The following NSD2 variants were observed in gnomAD, a reference collection of about 807,000 sequenced individuals.
The protein encoded by NSD2 is nuclear receptor binding SET domain protein 2.
In NSD2, 12 loss-of-function variants were observed where a neutral mutation model predicts 139.0. The ratio of observed to expected loss-of-function variants is 0.09; its 90% CI spans 0.06 to 0.14. NSD2 has a LOEUF of 0.14. Among genes scored for constraint, NSD2 ranks in the 10% least tolerant of loss-of-function variants. The pLI is 1.00. For missense variants in NSD2, 1,155 were observed against 1,745.0 expected (o/e 0.66, Z 6.02); for synonymous variants, 669 against 648.7 (o/e 1.03, Z -0.48).
chr4:1,943,091 T>C, intron 9 of NSD2: 3 of 1,048,754 alleles, frequency 2.9e-6, no homozygotes, highest in Non-Finnish European at 3.5e-6. Context: ...ATCAGTTGCT[T>C]CTATAGAGCA....
chr4:1,959,765 G>T, intron 17 of NSD2, 25 bp downstream of exon 17: 1 of 1,601,976 alleles, frequency 6.2e-7, no homozygotes, highest in Non-Finnish European at 8.5e-7. Flanking sequence ...CCCCTCCCCT[G>T]CTTTTGAGAA....
chr4:1,916,447 G>A (rs928428161), intron 3 of NSD2, among the ~76,000 whole-genome samples: 2 of 152,116 alleles, frequency 1.3e-5, no homozygotes, highest in African/African-American at 2.4e-5. Context: ...CCAGGCTCAC[G>A]CCATCCTCTC....
Position 1,918,297 on chromosome 4 carries a change from G to A in NSD2, c.1084G>A (p.Glu362Lys). Residue 362 changes from glutamate to lysine, a missense_variant, in exon 5 of 22, where the codon GAG becomes AAG. This residue lies in a region of NSD2 where 420 missense variants were observed against 469.0 expected (regional missense o/e 0.90). Coordinates refer to ENST00000508803, the MANE Select transcript of NSD2 (RefSeq NM_001042424.3). Reference sequence around the variant, plus strand: ...TCATCTCAACCCTCAAGTAGCCAAGGAGGCTGGCATTGCTGCAGAGTCTTT... The same window carrying A: ...TCATCTCAACCCTCAAGTAGCCAAGAAGGCTGGCATTGCTGCAGAGTCTTT... Reference protein sequence around the residue: ...QLHLNPQVAKEAGIAAESLGE... With the variant: ...QLHLNPQVAKKAGIAAESLGE... 2 of 1,614,004 alleles carry A rather than the reference G, an allele frequency of 1.2e-6. No individual in the cohort carries two copies. Among genetic ancestry groups the A allele is most frequent in the Non-Finnish European group, 1.7e-6 (2 of 1,180,020 alleles).
chr4:1,885,443 C>A (rs1715014490), intron 1 of NSD2, among the ~76,000 whole-genome samples: 1 of 151,932 alleles, frequency 6.6e-6, no homozygotes, highest in Non-Finnish European at 1.5e-5. Flanking sequence ...GAGAGGGGGC[C>A]CTGGTCATTC....
rs147843030 is a variant in NSD2 at position 1,947,119 on chromosome 4, G to A, written c.1882-3953G>A. On this transcript the variant is annotated intron_variant, in intron 9 of 21. Coordinates refer to ENST00000508803, the MANE Select transcript of NSD2 (RefSeq NM_001042424.3). ...TTTTGTCATTGTCCTCAAGTCCTTC[G>A]CAGACAGTGCACAGCCTGCTGTCTG... The A allele has an allele frequency of 2.1e-4, 221 of 1,064,760 alleles. No homozygotes were observed. In the East Asian group the frequency reaches 0.01, roughly 50 times the overall value. 66.0% of individuals were successfully genotyped at this position (1,064,760 alleles called of 1,614,324 possible). A position where few individuals can be genotyped will look rare whatever the true frequency, so the allele number is the denominator to read the frequency against.
rs1478316988 is a variant in NSD2, at chr4:1,979,203, C to G, written c.*294C>G. On this transcript the variant is annotated 3_prime_UTR_variant, in exon 22 of 22. Coordinates refer to ENST00000508803, the MANE Select transcript of NSD2 (RefSeq NM_001042424.3). ...CCGAATGTCAAGGTTCCCTCCCACT[C>G]TATTTTTTTAGGTTAAAGTTAATTG... The G allele has an allele frequency of 2.8e-6, 1 of 354,190 alleles. No homozygotes were observed. The highest frequency in any genetic ancestry group is 4.2e-5 in the East Asian group (1 of 23,668). 21.9% of individuals were successfully genotyped at this position (354,190 alleles called of 1,614,324 possible). A position where few individuals can be genotyped will look rare whatever the true frequency, so the allele number is the denominator to read the frequency against.
intron 5 of NSD2, 48 bp downstream of exon 5, chr4:1,918,671 A>G: frequency 1.2e-6 from 2 of 1,601,762 alleles, no homozygotes; most frequent in South Asian, 2.2e-5. Context: ...GAATTTGAGG[A>G]ACATCCCTTC....
intron 1 of NSD2, among the ~76,000 whole-genome samples, chr4:1,871,781 G>C (rs1301842682): frequency 6.7e-6 from 1 of 149,128 alleles, no homozygotes; most frequent in Non-Finnish European, 1.5e-5. Context: ...GGAGGCCTGA[G>C]GGCCGGCGGG....
intron 11 of NSD2, chr4:1,952,972 C>T (rs1323536410): frequency 6.3e-6 from 9 of 1,433,164 alleles, no homozygotes; most frequent in Middle Eastern, 2.6e-4. Context: ...TGATAAGTGA[C>T]TGCTCCACCA....
intron 7 of NSD2, among the ~76,000 whole-genome samples, chr4:1,936,518 A>G (rs981869914): frequency 2.6e-5 from 4 of 151,972 alleles, no homozygotes; most frequent in African/African-American, 9.7e-5. Flanking sequence ...TAATAATACA[A>G]AAATTAGTCG....
chr4:1,947,188 A>G, intron 9 of NSD2: 1 of 1,064,476 alleles, frequency 9.4e-7, no homozygotes, highest in Non-Finnish European at 1.1e-6. Context: ...TCCCTGTGGG[A>G]TGGCCGCTGC....
At chr4:1,947,050 T>G (rs1723710568) in intron 9 of NSD2, 1 of 1,063,658 alleles carries the variant, frequency 9.4e-7, no homozygotes. Context: ...CTGATGGGGG[T>G]TTGCTCAGCA....
In NSD2 at chr4:1,939,015, A is replaced by T. The variant is rs1056605423; in HGVS notation, c.1756+483A>T. ...TCAAAAAAATAAGAGGGGAAATTAC[A>T]CTTCCTTTTACCTTTTAGTTATCTT... is the stretch of plus-strand genomic sequence containing the variant. On this transcript the variant is annotated intron_variant, in intron 8 of 21. Coordinates refer to ENST00000508803, the MANE Select transcript of NSD2 (RefSeq NM_001042424.3). 1.1e-4 allele frequency among the ~76,000 whole-genome samples: 17 copies of T among 152,296 alleles called. No individual in the cohort carries two copies. In the Middle Eastern group the frequency reaches 0.01, roughly 91 times the overall value.
chr4:1,978,553 C>T (rs944492638), intron 21 of NSD2, 85 bp from the exon 22 acceptor site: 1 of 1,519,186 alleles, frequency 6.6e-7, no homozygotes, highest in African/African-American at 1.4e-5. Context: ...TTTGACCTGA[C>T]AGTTGTAAGT....
chr4:1,959,887 G>T (rs1253076187), intron 17 of NSD2, 147 bp downstream of exon 17: 16 of 952,458 alleles, frequency 1.7e-5, no homozygotes, highest in South Asian at 5.3e-5. Flanking sequence ...TTGAGACAGG[G>T]TCTCACTCTG....
chr4:1,975,661 G>A (rs895040885), intron 20 of NSD2: 5 of 419,410 alleles, frequency 1.2e-5, no homozygotes, highest in Admixed American at 7.8e-5. Context: ...GTGTGGGCAG[G>A]GCCGTGCGCC....
chr4:1,937,740 A>C (rs1447099906), intron 7 of NSD2, among the ~76,000 whole-genome samples: 1 of 152,098 alleles, frequency 6.6e-6, no homozygotes, highest in Non-Finnish European at 1.5e-5. Context: ...GGTGGGTGAG[A>C]TGGAGTATGA....
At chr4:1,953,082 AG>A in intron 11 of NSD2, 1 of 1,481,392 alleles carries the variant, frequency 6.8e-7, no homozygotes, top group South Asian at 1.4e-5. Flanking sequence ...CAGGCTGCCT[AG>A]TAAGATTCTC....
intron 12 of NSD2, among the ~76,000 whole-genome samples, chr4:1,954,173 C>T (rs551206914): frequency 2.0e-5 from 3 of 151,916 alleles, no homozygotes; most frequent in Non-Finnish European, 2.9e-5. Flanking sequence ...TTAGTAGAGA[C>T]GGGGTTTCAT....
Sources: allele counts gnomAD v4.1 joint callset (sites outside exome capture counted in the v4.1 genomes callset), GRCh38; gene constraint gnomAD v4.1.1; regional missense constraint gnomAD v4.1.1; transcripts MANE v1.5; gene names NCBI Gene and HGNC (gene_info 2026-07-23, HGNC 2026-07-21).